Variants in SFSWAP observed in about 807,000 individuals in gnomAD.
SFSWAP encodes splicing factor SWAP.
A neutral mutation model predicts 100.7 loss-of-function variants in SFSWAP; 17 were observed. The observed-to-expected ratio is 0.17, with a 90% CI of 0.12 to 0.25. The LOEUF (loss-of-function observed/expected upper bound fraction) is 0.25, where lower values mean the gene tolerates loss of function less well. Ranked by LOEUF, SFSWAP falls within the 10% of genes least tolerant of loss-of-function variation. The probability of loss-of-function intolerance (pLI) is 1.00; values close to 1 mark genes in which losing one functional copy is unlikely to be tolerated. For synonymous variants in SFSWAP, 504 were observed against 510.1 expected (o/e 0.99, Z 0.16); for missense variants, 1,005 against 1,262.6 (o/e 0.80, Z 3.09).
intron 8 of SFSWAP, 44 bp from the exon 9 acceptor site, chr12:131,754,324 C>T (rs375525219): frequency 3.8e-5 from 55 of 1,454,374 alleles, no homozygotes; most frequent in African/African-American, 1.9e-4. Context: ...CTGAGCTTGG[C>T]GAGCCCCTGA....
rs200404384 is a variant in SFSWAP at position 131,714,054 on chromosome 12, G to T, written c.219-17G>T. On this transcript the variant is annotated splice_polypyrimidine_tract_variant and intron_variant, in intron 1 of 17. Transcript: ENST00000261674. The surrounding 1 kb of genome is among the most constrained non-coding windows in gnomAD (Gnocchi z 6.0). ...GACGTTAATTTCCTTTTATTGACCAGCTTGTTCACATTACAGATATGATGG... is the reference window on the plus strand; with the variant it reads ...GACGTTAATTTCCTTTTATTGACCATCTTGTTCACATTACAGATATGATGG... 2.4e-3 allele frequency: 3,880 copies of T among 1,608,566 alleles called. 5 individuals carry two copies. The highest frequency in any genetic ancestry group is 3.1e-3 in the Non-Finnish European group (3,614 of 1,176,400).
At chr12:131,723,611 C>A (rs1401561909) in intron 4 of SFSWAP, among the ~76,000 whole-genome samples, 1 of 152,152 alleles carries the variant, frequency 6.6e-6, no homozygotes, top group Non-Finnish European at 1.5e-5. Context: ...GCCCCACTGC[C>A]CCTGGGGTTC....
At chr12:131,759,406 G>C (rs1882455355) in intron 11 of SFSWAP, among the ~76,000 whole-genome samples, 1 of 152,210 alleles carries the variant, frequency 6.6e-6, no homozygotes. Context: ...AGAGCATTAA[G>C]AAGGATGGAA....
chr12:131,726,824 A>C, intron 5 of SFSWAP, 116 bp from the exon 6 acceptor site: 1 of 680,264 alleles, frequency 1.5e-6, no homozygotes, highest in Non-Finnish European at 2.6e-6. Flanking sequence ...AATTTCTAAA[A>C]GTGTTTTTTC....
At chr12:131,785,316 G>A in intron 14 of SFSWAP, 1 of 1,280,308 alleles carries the variant, frequency 7.8e-7, no homozygotes. Flanking sequence ...TCCGTTAAAG[G>A]GCAGCCACTC....
intron 16 of SFSWAP, 108 bp from the exon 17 acceptor site, chr12:131,798,929 C>A: frequency 1.3e-6 from 1 of 752,440 alleles, no homozygotes; most frequent in Non-Finnish European, 2.4e-6. Flanking sequence ...ATGCAGTGGG[C>A]ACTTCTCAGT....
At chr12:131,712,319 A>G (rs1280496606) in intron 1 of SFSWAP, 1 of 152,218 alleles carries the variant, frequency 6.6e-6, no homozygotes, top group Non-Finnish European at 1.5e-5. Context: ...ATAACATTAC[A>G]TGATGTAGGT....
At position 131,773,981 on chromosome 12, in the gene SFSWAP, G is replaced by A. The variant is rs940705992; in HGVS notation, c.2143-4084G>A. 2.6e-5 allele frequency among the ~76,000 whole-genome samples: 4 copies of A among 152,232 alleles called. No homozygotes were observed. In the East Asian group the frequency reaches 7.7e-4, roughly 29 times the overall value. On this transcript the variant is annotated intron_variant, in intron 13 of 17. Transcript: ENST00000261674. ...ACCCACAAGTGGTAAAGGACAGGTG[G>A]CCCCACTCAGGAAGACACTTTCTCA...
chr12:131,713,993 T>C lies in SFSWAP; in HGVS notation c.219-78T>C, dbSNP rs549001588. The C allele has an allele frequency of 3.0e-4, 289 of 978,102 alleles. 8 individuals carry two copies. The South Asian group carries it at 4.5e-3, about 15-fold the overall frequency. 60.6% of individuals were successfully genotyped at this position (978,102 alleles called of 1,614,324 possible). ...GTAAGTATGTGTGTGTATATATATA[T>C]ACATATATAAAACATCACACACGCA... On this transcript the variant is annotated intron_variant, in intron 1 of 17. Coordinates refer to ENST00000261674, the MANE Select transcript of SFSWAP (RefSeq NM_004592.4).
In SFSWAP at chr12:131,799,678, T is replaced by C. The variant is rs1334104379; in HGVS notation, c.*190T>C. ...TCTTACCTGTATATTTGTAAATATA[T>C]CATGTTTCTGTGAAAATGTATTATG... On this transcript the variant is annotated 3_prime_UTR_variant, in exon 18 of 18. Transcript: ENST00000261674. 4 of 580,492 alleles carry C rather than the reference T, an allele frequency of 6.9e-6. No individual in the cohort carries two copies. The highest frequency in any genetic ancestry group is 6.3e-5 in the Admixed American group (2 of 31,832). 36.0% of individuals were successfully genotyped at this position (580,492 alleles called of 1,614,324 possible). A position where few individuals can be genotyped will look rare whatever the true frequency, so the allele number is the denominator to read the frequency against.
intron 7 of SFSWAP, among the ~76,000 whole-genome samples, chr12:131,745,315 G>C (rs1444874000): frequency 1.3e-5 from 2 of 152,296 alleles, no homozygotes; most frequent in African/African-American, 2.4e-5. Context: ...TGCCAGAAGG[G>C]ATCTTTTAGG....
rs1009795186 is a variant in SFSWAP at position 131,753,516 on chromosome 12, A to G, written c.1322+153A>G. ...TATTATTCCAAATCCCCAAGTTACA[A>G]AGTTGACAGGAAAACAGAAATGGTT... On this transcript the variant is annotated intron_variant, in intron 8 of 17. Coordinates refer to ENST00000261674, the MANE Select transcript of SFSWAP (RefSeq NM_004592.4). The G allele has an allele frequency of 1.4e-5, 14 of 1,032,278 alleles. No homozygotes were observed. In the African/African-American group the frequency reaches 1.8e-4, roughly 13 times the overall value. 63.9% of individuals were successfully genotyped at this position (1,032,278 alleles called of 1,614,324 possible). A position where few individuals can be genotyped will look rare whatever the true frequency, so the allele number is the denominator to read the frequency against.
At chr12:131,798,088 C>T (rs1324381375) in intron 16 of SFSWAP, among the ~76,000 whole-genome samples, 2 of 152,166 alleles carry the variant, frequency 1.3e-5, no homozygotes, top group Non-Finnish European at 2.9e-5. Context: ...TACCTGTAAT[C>T]CCAGCACTTT....
intron 8 of SFSWAP, 117 bp downstream of exon 8, chr12:131,753,480 G>C: frequency 7.8e-7 from 1 of 1,288,338 alleles, no homozygotes; most frequent in Non-Finnish European, 1.0e-6. Context: ...GGTCCCCATT[G>C]TCTGAGTAGT....
At chr12:131,727,076 T>C in intron 6 of SFSWAP, 24 bp downstream of exon 6, 2 of 1,345,884 alleles carry the variant, frequency 1.5e-6, no homozygotes, top group South Asian at 1.2e-5. Flanking sequence ...TGTTGAACTA[T>C]ATTTTTATGC....
At chr12:131,727,511 T>C (rs1879095075) in intron 6 of SFSWAP, among the ~76,000 whole-genome samples, 1 of 152,096 alleles carries the variant, frequency 6.6e-6, no homozygotes, top group South Asian at 2.1e-4. Context: ...CCAGGCGTGG[T>C]GGGTACACCT....
chr12:131,776,641 C>T (rs990085723), intron 13 of SFSWAP, among the ~76,000 whole-genome samples: 3 of 152,236 alleles, frequency 2.0e-5, no homozygotes, highest in Admixed American at 6.5e-5. Context: ...TCACAGATGC[C>T]GTCCTGCGCA....
intron 3 of SFSWAP, among the ~76,000 whole-genome samples, chr12:131,715,311 G>A (rs754892047): frequency 3.9e-5 from 6 of 152,090 alleles, no homozygotes; most frequent in African/African-American, 1.2e-4. Context: ...TAACATCACC[G>A]CCCTCTCACT....
At chr12:131,728,555 C>G in intron 7 of SFSWAP, 127 bp downstream of exon 7, 1 of 1,034,946 alleles carries the variant, frequency 9.7e-7, no homozygotes. Context: ...GGCCCAGAGC[C>G]TGCACATGGT....
Sources: gnomAD v4.1 joint callset for allele counts (sites outside exome capture counted in the v4.1 genomes callset) on GRCh38, gnomAD v4.1.1 for gene constraint, Gnocchi (gnomAD v3.1) non-coding constraint, MANE v1.5 for transcripts, NCBI Gene and HGNC (gene_info 2026-07-23, HGNC 2026-07-21) for gene names.